The following KCTD8 variants were observed in gnomAD, a reference collection of about 807,000 sequenced individuals.
The protein encoded by KCTD8 is potassium channel tetramerization domain containing 8, also known as BTB/POZ domain-containing protein KCTD8.
Under a neutral mutation model 31.5 loss-of-function variants are expected in KCTD8, and 27 were observed. That is an observed-to-expected ratio of 0.86 (90% confidence interval 0.63 to 1.18). KCTD8 has a LOEUF of 1.18. Ranked by LOEUF, KCTD8 falls within the 50% of genes most tolerant of loss-of-function variation. The pLI is 0.00. For missense variants in KCTD8, 658 were observed against 647.7 expected, an observed-to-expected ratio of 1.02 and a Z score of -0.17; for synonymous variants, 290 against 280.0, an observed-to-expected ratio of 1.04 and a Z score of -0.36.
At chr4:44,348,258 A>C (rs929445009) in intron 1 of KCTD8, among the ~76,000 whole-genome samples, 1 of 152,178 alleles carries the variant, frequency 6.6e-6, no homozygotes, top group African/African-American at 2.4e-5. Flanking sequence ...AATATTCAAA[A>C]CCCAATTTTT....
intron 1 of KCTD8, among the ~76,000 whole-genome samples, chr4:44,244,599 T>C (rs763874861): frequency 3.1e-4 from 47 of 152,068 alleles, no homozygotes; most frequent in Non-Finnish European, 5.7e-4. Context: ...TACCTAAATA[T>C]CCTCCTCTCC....
chr4:44,422,629 CAGA>C (rs2109471698), intron 1 of KCTD8, among the ~76,000 whole-genome samples: 1 of 152,088 alleles, frequency 6.6e-6, no homozygotes, highest in South Asian at 2.1e-4. Context: ...GTACAACTTG[CAGA>C]AGAAGGTAGT....
intron 1 of KCTD8, among the ~76,000 whole-genome samples, chr4:44,196,079 G>C (rs918458091): frequency 2.0e-5 from 3 of 152,190 alleles, no homozygotes; most frequent in African/African-American, 7.2e-5. Flanking sequence ...GCCCTCTAGA[G>C]GCCACATCCT....
chr4:44,329,436 A>G (rs1718536073), intron 1 of KCTD8, among the ~76,000 whole-genome samples: 1 of 152,020 alleles, frequency 6.6e-6, no homozygotes, highest in South Asian at 2.1e-4. Context: ...ATAAGTTTGT[A>G]TTACTTTATC....
chr4:44,336,170 A>G (rs1275669034), intron 1 of KCTD8, among the ~76,000 whole-genome samples: 29 of 149,052 alleles, frequency 1.9e-4, no homozygotes, highest in African/African-American at 5.4e-4. Flanking sequence ...AAAAAAAAAA[A>G]AAAAAAGAAA....
At chr4:44,293,686 G>C (rs1050650819) in intron 1 of KCTD8, 4 of 374,474 alleles carry the variant, frequency 1.1e-5, no homozygotes, top group African/African-American at 2.1e-5. Context: ...GATGACATGA[G>C]GGAAATTTTT....
intron 1 of KCTD8, among the ~76,000 whole-genome samples, chr4:44,341,432 C>T (rs1718897266): frequency 6.6e-6 from 1 of 152,222 alleles, no homozygotes; most frequent in African/African-American, 2.4e-5. Flanking sequence ...TTTGATGTCA[C>T]TTGACCCACA....
intron 1 of KCTD8, among the ~76,000 whole-genome samples, chr4:44,302,480 A>T (rs1377530345): frequency 6.6e-6 from 1 of 152,128 alleles, no homozygotes; most frequent in Non-Finnish European, 1.5e-5. Flanking sequence ...CTTTGAAGCC[A>T]TTGTGAATGG....
intron 1 of KCTD8, among the ~76,000 whole-genome samples, chr4:44,357,740 C>T (rs901206652): frequency 6.6e-6 from 1 of 151,936 alleles, no homozygotes; most frequent in Non-Finnish European, 1.5e-5. Context: ...CTTCTGTATA[C>T]ATTTTTAAGT....
At chr4:44,342,035 AGTTCTTGG>A (rs1718911649) in intron 1 of KCTD8, among the ~76,000 whole-genome samples, 1 of 152,164 alleles carries the variant, frequency 6.6e-6, no homozygotes, top group Non-Finnish European at 1.5e-5. Flanking sequence ...TCTCCATCGG[AGTTCTTGG>A]GTGACCAAGT....
chr4:44,202,829 T>C (rs2109339926), intron 1 of KCTD8, among the ~76,000 whole-genome samples: 1 of 152,216 alleles, frequency 6.6e-6, no homozygotes, highest in East Asian at 1.9e-4. Context: ...CATTGCACAA[T>C]ATAAAAATAA....
At chr4:44,180,647 T>A (rs1163336249) in intron 1 of KCTD8, among the ~76,000 whole-genome samples, 1 of 152,040 alleles carries the variant, frequency 6.6e-6, no homozygotes, top group African/African-American at 2.4e-5. Flanking sequence ...TGCTGAAATT[T>A]TTTCATCACT....
chr4:44,267,840 C>G (rs951366917), intron 1 of KCTD8, among the ~76,000 whole-genome samples: 4 of 152,074 alleles, frequency 2.6e-5, no homozygotes, highest in Non-Finnish European at 5.9e-5. Context: ...AAGACTAAAC[C>G]AGGAAGAAGT....
intron 1 of KCTD8, among the ~76,000 whole-genome samples, chr4:44,270,640 A>T (rs1370887414): frequency 6.6e-6 from 1 of 152,168 alleles, no homozygotes; most frequent in East Asian, 1.9e-4. Flanking sequence ...AAGGCTTTGG[A>T]TAATTCTGTT....
chr4:44,267,048 T>A (rs1401565263), intron 1 of KCTD8, among the ~76,000 whole-genome samples: 1 of 152,168 alleles, frequency 6.6e-6, no homozygotes. Flanking sequence ...GCAGACCTAA[T>A]AGACATCTAT....
At chr4:44,251,755 G>C (rs893435417) in intron 1 of KCTD8, among the ~76,000 whole-genome samples, 4 of 151,154 alleles carry the variant, frequency 2.6e-5, no homozygotes, top group African/African-American at 9.7e-5. Context: ...CCTTTATTGA[G>C]TTAAGGAGAG....
intron 1 of KCTD8, among the ~76,000 whole-genome samples, chr4:44,210,019 A>G (rs1030592904): frequency 1.3e-5 from 2 of 152,192 alleles, no homozygotes; most frequent in Non-Finnish European, 2.9e-5. Flanking sequence ...ATGCTACTTA[A>G]AAAGTGGAGC....
intron 1 of KCTD8, among the ~76,000 whole-genome samples, chr4:44,275,376 C>T (rs1716724989): frequency 6.6e-6 from 1 of 151,934 alleles, no homozygotes; most frequent in African/African-American, 2.4e-5. Flanking sequence ...CTCTGTCCCT[C>T]CCGCCCTCTC....
chr4:44,332,023 G>C (rs1718602509), intron 1 of KCTD8, among the ~76,000 whole-genome samples: 1 of 151,710 alleles, frequency 6.6e-6, no homozygotes, highest in African/African-American at 2.4e-5. Flanking sequence ...ACAGAAACTA[G>C]TAGATACTCT....
Sources: gnomAD v4.1 joint callset for allele counts (sites outside exome capture counted in the v4.1 genomes callset) on GRCh38, gnomAD v4.1.1 for gene constraint, MANE v1.5 for transcripts, NCBI Gene and HGNC (gene_info 2026-07-23, HGNC 2026-07-21) for gene names.